The following NEMP2 variants were observed in gnomAD, a reference collection of about 807,000 sequenced individuals.
NEMP2 encodes the protein nuclear envelope integral membrane protein 2, also known as UPF0571 transmembrane protein.
In NEMP2, 53 loss-of-function variants were observed where a neutral mutation model predicts 54.2. The observed-to-expected ratio is 0.98, with a 90% CI of 0.78 to 1.23. NEMP2 has a LOEUF of 1.23. Among genes scored for constraint, NEMP2 ranks in the 50% most tolerant of loss-of-function variants. NEMP2 has a pLI of 0.00. For synonymous variants in NEMP2, 197 were observed against 190.3 expected, an observed-to-expected ratio of 1.04 and a Z score of -0.29; for missense variants, 455 against 511.3, an observed-to-expected ratio of 0.89 and a Z score of 1.06.
the NEMP2 span, among the ~76,000 whole-genome samples, chr2:190,545,448 A>G: frequency 6.6e-6 from 1 of 152,218 alleles, no homozygotes; most frequent in Non-Finnish European, 1.5e-5. Context: ...TTTCAAGGAA[A>G]CCTACAAACA....
downstream of NEMP2, chr2:190,500,358 T>G: frequency 1.2e-6 from 1 of 833,738 alleles, no homozygotes; most frequent in Non-Finnish European, 1.8e-6. The surrounding 1 kb of genome is among the most constrained non-coding windows in gnomAD (Gnocchi z 5.3). Context: ...CTCATTAACA[T>G]GGAAACACAC....
the NEMP2 span, chr2:190,469,860 G>T: frequency 7.6e-5 from 119 of 1,575,850 alleles, no homozygotes; most frequent in Middle Eastern, 3.3e-4. This position sits in a 1 kb window ranked among gnomAD's most constrained non-coding sequence, Gnocchi z 5.3. Context: ...TTCAAGGTAA[G>T]TTAACAGCTG....
the NEMP2 span, among the ~76,000 whole-genome samples, chr2:190,426,662 A>G: frequency 2.0e-5 from 3 of 152,136 alleles, no homozygotes; most frequent in African/African-American, 4.8e-5. The surrounding 1 kb of genome is among the most constrained non-coding windows in gnomAD (Gnocchi z 4.7). Context: ...CCCAGTGTCT[A>G]TTATTTCCAA....
the NEMP2 span, among the ~76,000 whole-genome samples, chr2:190,489,597 C>T: frequency 1.8e-4 from 28 of 152,200 alleles, no homozygotes; most frequent in African/African-American, 6.5e-4. This position sits in a 1 kb window ranked among gnomAD's most constrained non-coding sequence, Gnocchi z 6.6. Context: ...TCTCTTGACA[C>T]GTACCCAGCC....
At chr2:190,455,000 A>ATGTATATGTATT in the NEMP2 span, among the ~76,000 whole-genome samples, 1 of 46,604 alleles carries the variant, frequency 2.1e-5, no homozygotes, top group East Asian at 7.6e-4. This position sits in a 1 kb window ranked among gnomAD's most constrained non-coding sequence, Gnocchi z 4.6. Flanking sequence ...GTATATGTAT[A>ATGTATATGTATT]ATGTATATGT....
chr2:190,629,301 G>GA, the NEMP2 span, among the ~76,000 whole-genome samples: 35 of 152,198 alleles, frequency 2.3e-4, no homozygotes, highest in African/African-American at 8.4e-4. Flanking sequence ...TACGTATTAT[G>GA]AAAAAACTAT....
chr2:190,579,168 G>A, the NEMP2 span, among the ~76,000 whole-genome samples: 4 of 152,042 alleles, frequency 2.6e-5, no homozygotes, highest in African/African-American at 7.3e-5. Context: ...GAAACCCTAC[G>A]ATAGTACTTC....
the NEMP2 span, among the ~76,000 whole-genome samples, chr2:190,439,533 T>C: frequency 4.5e-3 from 680 of 152,330 alleles, 5 homozygotes; most frequent in African/African-American, 0.016. This position sits in a 1 kb window ranked among gnomAD's most constrained non-coding sequence, Gnocchi z 5.8. Flanking sequence ...CTGAGACATA[T>C]GCAGCATTTT....
the NEMP2 span, among the ~76,000 whole-genome samples, chr2:190,619,431 T>C: frequency 6.6e-6 from 1 of 151,696 alleles, no homozygotes; most frequent in East Asian, 1.9e-4. This position sits in a 1 kb window ranked among gnomAD's most constrained non-coding sequence, Gnocchi z 5.5. Flanking sequence ...GTCCAGGAGT[T>C]TGAGGTTGCA....
the NEMP2 span, among the ~76,000 whole-genome samples, chr2:190,590,095 C>T: frequency 6.6e-6 from 1 of 152,184 alleles, no homozygotes; most frequent in African/African-American, 2.4e-5. The surrounding 1 kb of genome is among the most constrained non-coding windows in gnomAD (Gnocchi z 5.1). Context: ...TCTCTATGCT[C>T]CTGATGCAGA....
chr2:190,537,843 G>A (rs1229090087), upstream of NEMP2, among the ~76,000 whole-genome samples: 1 of 152,190 alleles, frequency 6.6e-6, no homozygotes, highest in Non-Finnish European at 1.5e-5. Flanking sequence ...GGGCATGTCG[G>A]AGACCTTCTC....
chr2:190,473,398 C>G, the NEMP2 span, among the ~76,000 whole-genome samples: 1 of 152,170 alleles, frequency 6.6e-6, no homozygotes, highest in East Asian at 1.9e-4. Flanking sequence ...GAAGATCTAC[C>G]AAGCAAATGG....
the NEMP2 span, among the ~76,000 whole-genome samples, chr2:190,447,068 C>T: frequency 6.6e-6 from 1 of 151,006 alleles, no homozygotes; most frequent in South Asian, 2.1e-4. This position sits in a 1 kb window ranked among gnomAD's most constrained non-coding sequence, Gnocchi z 4.5. Flanking sequence ...TATGCAGTCT[C>T]TCTCTGATTC....
chr2:190,597,662 C>T, the NEMP2 span, among the ~76,000 whole-genome samples: 8 of 152,062 alleles, frequency 5.3e-5, no homozygotes, highest in African/African-American at 7.2e-5. This position sits in a 1 kb window ranked among gnomAD's most constrained non-coding sequence, Gnocchi z 4.7. Flanking sequence ...ACAGTAGTTG[C>T]GAATCCCAGG....
chr2:190,463,843 A>T, the NEMP2 span: 2 of 971,220 alleles, frequency 2.1e-6, no homozygotes. This position sits in a 1 kb window ranked among gnomAD's most constrained non-coding sequence, Gnocchi z 4.4. Flanking sequence ...TAAATAAAAT[A>T]AAAATAAAAA....
At chr2:190,515,029 T>C (rs1199077670) in intron 6 of NEMP2, among the ~76,000 whole-genome samples, 1 of 152,164 alleles carries the variant, frequency 6.6e-6, no homozygotes, top group Non-Finnish European at 1.5e-5. Context: ...TATTTTTTAT[T>C]TTTACCTTCT....
At chr2:190,558,953 G>A in the NEMP2 span, among the ~76,000 whole-genome samples, 4 of 151,952 alleles carry the variant, frequency 2.6e-5, no homozygotes, top group South Asian at 2.1e-4. The surrounding 1 kb of genome is among the most constrained non-coding windows in gnomAD (Gnocchi z 4.4). Context: ...TTTTACCCTC[G>A]CATTTTCCAT....
the NEMP2 span, among the ~76,000 whole-genome samples, chr2:190,572,833 G>GTGTATGTATA: frequency 2.1e-5 from 1 of 47,862 alleles, no homozygotes; most frequent in African/African-American, 8.6e-5. Flanking sequence ...CTTTTCATGA[G>GTGTATGTATA]TATATATATA....
Position 190,530,673 on chromosome 2 carries a change from A to G in NEMP2, c.97+3886T>C, listed in dbSNP as rs1691112844. Among the ~76,000 whole-genome samples the G allele has an allele frequency of 6.6e-6, 1 of 152,284 alleles. No homozygotes were observed. Among genetic ancestry groups the G allele is most frequent in the African/African-American group, 2.4e-5 (1 of 41,572 alleles). On this transcript the variant is annotated intron_variant, in intron 1 of 8. Coordinates refer to ENST00000409150, the MANE Select transcript of NEMP2 (RefSeq NM_001142645.2). This position sits in a 1 kb window ranked among gnomAD's most constrained non-coding sequence, Gnocchi z 4.6. ...GCCATTTCACTGCTCGGTTTCAATC[A>G]TGTCCAATGGAAACAGGAAACAGAG...
Sources: allele counts gnomAD v4.1 joint callset (sites outside exome capture counted in the v4.1 genomes callset), GRCh38; gene constraint gnomAD v4.1.1; non-coding constraint Gnocchi (gnomAD v3.1); transcripts MANE v1.5; gene names NCBI Gene and HGNC (gene_info 2026-07-23, HGNC 2026-07-21).